TCF12: variants seen among roughly 807,000 people sequenced by gnomAD.
The protein encoded by TCF12 is DNA-binding protein HTF4.
A neutral mutation model predicts 86.0 loss-of-function variants in TCF12; 45 were observed. The observed-to-expected ratio is 0.52, with a 90% CI of 0.41 to 0.67. TCF12 has a LOEUF of 0.67. Among genes scored for constraint, TCF12 ranks in the 30% least tolerant of loss-of-function variants. TCF12 has a pLI of 0.00. For synonymous variants in TCF12, 330 were observed against 299.6 expected, an observed-to-expected ratio of 1.10 and a Z score of -1.05; for missense variants, 881 against 859.9, an observed-to-expected ratio of 1.02 and a Z score of -0.31.
At chr15:57,226,624 G>T (rs1356486385) in intron 8 of TCF12, among the ~76,000 whole-genome samples, 1 of 152,164 alleles carries the variant, frequency 6.6e-6, no homozygotes, top group Non-Finnish European at 1.5e-5. Flanking sequence ...AGAAAAGTAG[G>T]TAGCCTTCTC....
chr15:57,031,126 T>C (rs2066151824), intron 3 of TCF12, among the ~76,000 whole-genome samples: 1 of 152,234 alleles, frequency 6.6e-6, no homozygotes, highest in Non-Finnish European at 1.5e-5. Context: ...GTGCAAATAT[T>C]TCCACATAGT....
intron 2 of TCF12, among the ~76,000 whole-genome samples, chr15:56,920,487 C>CACGTGTGTGTGTGTGTGTGTGT (rs3223202): frequency 2.1e-4 from 31 of 146,870 alleles, no homozygotes; most frequent in African/African-American, 7.6e-4. Context: ...CACACACACA[C>CACGTGTGTGTGTGTGTGTGTGT]GTGTGTGTGT....
At chr15:57,086,212 G>GATAATAATA (rs60173159) in intron 4 of TCF12, among the ~76,000 whole-genome samples, 25,975 of 141,398 alleles carry the variant, frequency 0.18, 2,607 homozygotes, top group Middle Eastern at 0.27. Context: ...GGATGATGAT[G>GATAATAATA]ATAATAATAA....
At chr15:57,234,689 A>T (rs1166411198) in intron 12 of TCF12, among the ~76,000 whole-genome samples, 2 of 152,250 alleles carry the variant, frequency 1.3e-5, no homozygotes, top group African/African-American at 4.8e-5. Context: ...AGCAGTGATT[A>T]TATTTTAATA....
intron 3 of TCF12, among the ~76,000 whole-genome samples, chr15:57,019,293 A>G (rs1397765839): frequency 1.3e-5 from 2 of 152,198 alleles, no homozygotes; most frequent in Non-Finnish European, 2.9e-5. Flanking sequence ...AGACATAGGA[A>G]TTAAACTTCT....
chr15:56,953,028 AT>A (rs1173447451), intron 3 of TCF12, among the ~76,000 whole-genome samples: 15 of 151,962 alleles, frequency 9.9e-5, no homozygotes, highest in African/African-American at 3.4e-4. Context: ...GTTTCCTTCT[AT>A]TCCTAGCTTC....
chr15:57,124,531 C>T (rs1399542670), intron 5 of TCF12, among the ~76,000 whole-genome samples: 5 of 152,122 alleles, frequency 3.3e-5, no homozygotes, highest in African/African-American at 1.2e-4. Flanking sequence ...CCAGGTATTG[C>T]AGGTAACAGC....
At chr15:57,054,739 C>G (rs1473484929) in intron 3 of TCF12, among the ~76,000 whole-genome samples, 2 of 126,508 alleles carry the variant, frequency 1.6e-5, no homozygotes, top group Non-Finnish European at 3.3e-5. Context: ...TCTTAGGACT[C>G]CTTTTATTAG....
intron 3 of TCF12, among the ~76,000 whole-genome samples, chr15:57,028,154 G>A (rs1433492104): frequency 6.6e-6 from 1 of 152,108 alleles, no homozygotes; most frequent in Non-Finnish European, 1.5e-5. Flanking sequence ...AGTAAGTAGA[G>A]ACGGGGTTTC....
At chr15:57,111,946 A>G (rs1287568411) in intron 5 of TCF12, among the ~76,000 whole-genome samples, 1 of 152,158 alleles carries the variant, frequency 6.6e-6, no homozygotes, top group Non-Finnish European at 1.5e-5. Flanking sequence ...AGAGTTATCC[A>G]AAAGTGCCAT....
intron 19 of TCF12, among the ~76,000 whole-genome samples, chr15:57,281,212 CCT>C (rs1402940693): frequency 6.6e-6 from 1 of 151,336 alleles, no homozygotes; most frequent in Non-Finnish European, 1.5e-5. Flanking sequence ...GATCCTTGTA[CCT>C]CTCAGCTTAT....
intron 6 of TCF12, among the ~76,000 whole-genome samples, chr15:57,170,782 T>C (rs1319910376): frequency 1.7e-4 from 8 of 46,380 alleles, no homozygotes; most frequent in East Asian, 6.3e-4. Flanking sequence ...ATATATAATA[T>C]ATATATATAA....
chr15:56,928,878 G>A (rs567614654), intron 3 of TCF12, among the ~76,000 whole-genome samples: 5 of 152,264 alleles, frequency 3.3e-5, no homozygotes, highest in African/African-American at 1.2e-4. Flanking sequence ...CTGGGAACAG[G>A]TTGGAGAGAA....
intron 16 of TCF12, among the ~76,000 whole-genome samples, chr15:57,255,545 G>A (rs948007526): frequency 7.9e-5 from 12 of 152,060 alleles, no homozygotes; most frequent in East Asian, 5.8e-4. Context: ...GTGCAGTGCC[G>A]TGATCTCGGC....
At position 57,176,916 on chromosome 15, in the gene TCF12, C is replaced by G. The variant is rs1441152682; in HGVS notation, c.390+10450C>G. Among the ~76,000 whole-genome samples the G allele has an allele frequency of 2.0e-5, 3 of 152,164 alleles. No individual in the cohort carries two copies. The East Asian group carries it at 5.8e-4, about 29-fold the overall frequency. On this transcript the variant is annotated intron_variant, in intron 6 of 20. Transcript: ENST00000333725. ...TCAAGTGGTTTCCAGGGCTAACAAT[C>G]TAGTCCTCCTTTGGGGAGTAGATTG...
chr15:57,187,024 T>C (rs2056706020), intron 6 of TCF12, among the ~76,000 whole-genome samples: 1 of 151,978 alleles, frequency 6.6e-6, no homozygotes, highest in Admixed American at 6.6e-5. Flanking sequence ...CTACTAAAAA[T>C]ACAAAAATTA....
At chr15:57,077,964 T>C (rs1037343201) in intron 4 of TCF12, among the ~76,000 whole-genome samples, 18 of 152,290 alleles carry the variant, frequency 1.2e-4, no homozygotes, top group Admixed American at 6.5e-4. Flanking sequence ...GGGGGAAATA[T>C]AGTATTATTC....
chr15:57,227,867 T>G (rs774338568), intron 8 of TCF12, among the ~76,000 whole-genome samples: 14 of 152,126 alleles, frequency 9.2e-5, no homozygotes, highest in Non-Finnish European at 1.2e-4. Context: ...ATTTTACCCT[T>G]TTTCTATTCT....
At chr15:56,944,130 C>G (rs2060895328) in intron 3 of TCF12, among the ~76,000 whole-genome samples, 1 of 152,004 alleles carries the variant, frequency 6.6e-6, no homozygotes, top group Non-Finnish European at 1.5e-5. Flanking sequence ...TTAATGTGTT[C>G]AAAACAGAAG....
Sources: gnomAD v4.1 joint callset for allele counts (sites outside exome capture counted in the v4.1 genomes callset) on GRCh38, gnomAD v4.1.1 for gene constraint, MANE v1.5 for transcripts, NCBI Gene and HGNC (gene_info 2026-07-23, HGNC 2026-07-21) for gene names.